HTT: variants seen among roughly 807,000 people sequenced by gnomAD.
HTT encodes the protein huntingtin.
A neutral mutation model predicts 362.3 loss-of-function variants in HTT; 104 were observed. The ratio of observed to expected loss-of-function variants is 0.29; its 90% CI spans 0.24 to 0.34. The LOEUF (loss-of-function observed/expected upper bound fraction) is 0.34, where lower values mean the gene tolerates loss of function less well. Ranked by LOEUF, HTT falls within the 10% of genes least tolerant of loss-of-function variation. HTT has a pLI of 1.00. For missense variants in HTT, 3,301 were observed against 3,928.6 expected (o/e 0.84, Z 4.27); for synonymous variants, 1,577 against 1,548.7 (o/e 1.02, Z -0.43).
chr4:3,151,368 C>CAG (rs753833247), intron 26 of HTT, among the ~76,000 whole-genome samples: 6 of 147,678 alleles, frequency 4.1e-5, no homozygotes, highest in South Asian at 2.1e-4. Flanking sequence ...GAGAGAGAGA[C>CAG]AGAGAGAGAG....
chr4:3,233,638 G>A (rs543792647), intron 61 of HTT, among the ~76,000 whole-genome samples: 20 of 152,334 alleles, frequency 1.3e-4, no homozygotes, highest in African/African-American at 4.8e-4. Context: ...CTGCTCTCGA[G>A]GCCATCGGCT....
chr4:3,223,447 G>T lies in HTT; in HGVS notation c.7512G>T (p.Gln2504His). Residue 2504 changes from glutamine (Q) to histidine (H), a missense_variant, in exon 55 of 67, where the codon CAG becomes CAT. This residue lies in a region of HTT where 753 missense variants were observed against 1,021.3 expected (regional missense o/e 0.74). Transcript: ENST00000355072. ...CCCAGATCAACGTCCTGGCCGTGCA[G>T]GCCATCACCTCACTGGTGCTCAGTG... ...ERTQINVLAVQAITSLVLSAM... is the reference protein window; with the variant it reads ...ERTQINVLAVHAITSLVLSAM... 6.2e-7 allele frequency: 1 copy of T among 1,612,012 alleles called. No homozygotes were observed. The highest frequency in any genetic ancestry group is 1.3e-5 in the African/African-American group (1 of 75,018).
At chr4:3,184,382 G>A (rs1012274880) in intron 37 of HTT, among the ~76,000 whole-genome samples, 3 of 152,078 alleles carry the variant, frequency 2.0e-5, no homozygotes, top group East Asian at 1.9e-4. Flanking sequence ...AGCCTTGAGA[G>A]GGTTTGCGCT....
chr4:3,147,512 G>T (rs1191889992), intron 25 of HTT, among the ~76,000 whole-genome samples: 1 of 152,194 alleles, frequency 6.6e-6, no homozygotes, highest in Non-Finnish European at 1.5e-5. Context: ...AAGAATTGGG[G>T]CCTGTGCTAT....
chr4:3,188,939 G>T lies in HTT; in HGVS notation c.5226-12G>T, dbSNP rs762787223. On this transcript the variant is annotated splice_polypyrimidine_tract_variant and intron_variant, in intron 39 of 66. Transcript: ENST00000355072. ...CACCTAATTCACTGTCATCTTTTTT[G>T]TTTCTTGGAAGGTTTCTATTACAAC... 3.1e-6 allele frequency: 5 copies of T among 1,609,058 alleles called. No homozygotes were observed. In the South Asian group the frequency reaches 3.3e-5, roughly 11 times the overall value.
In HTT at chr4:3,145,247, A is replaced by G. The variant is rs1716543527; in HGVS notation, c.3143+19A>G. 2 of 1,479,912 alleles carry G rather than the reference A, an allele frequency of 1.4e-6. No homozygotes were observed. Among genetic ancestry groups the G allele is most frequent in the South Asian group, 1.1e-5 (1 of 88,312 alleles). 91.7% of individuals were successfully genotyped at this position (1,479,912 alleles called of 1,614,324 possible). A position where few individuals can be genotyped will look rare whatever the true frequency, so the allele number is the denominator to read the frequency against. ...ACTGTGGGTATGTATTTTCCTCAGT[A>G]TATATTAATAGTTGTCTACAACAGT... On this transcript the variant is annotated intron_variant, in intron 24 of 66. Transcript: ENST00000355072.
intron 6 of HTT, among the ~76,000 whole-genome samples, chr4:3,113,646 A>T (rs1479832393): frequency 3.9e-5 from 6 of 152,100 alleles, no homozygotes; most frequent in African/African-American, 1.4e-4. Flanking sequence ...GTTTTTTAAG[A>T]TGTTAGTATC....
chr4:3,103,733 G>A, intron 3 of HTT, 91 bp from the exon 4 acceptor site: 1 of 766,052 alleles, frequency 1.3e-6, no homozygotes, highest in Non-Finnish European at 2.3e-6. Context: ...GTTTTGCTTT[G>A]CCCCAAAATT....
chr4:3,114,420 A>G (rs1205375377), intron 6 of HTT, among the ~76,000 whole-genome samples: 2 of 152,262 alleles, frequency 1.3e-5, no homozygotes, highest in East Asian at 1.9e-4. Flanking sequence ...GGTCTCGTGT[A>G]AATTCCCTGG....
In HTT at chr4:3,217,694, G is replaced by A. The variant is rs754428408; in HGVS notation, c.7055-71G>A. ...TTACAGCTTGAGCAGCTGGTTGTAGGTCATGCTTTCTACACTGGGCATATA... is the reference window on the plus strand; with the variant it reads ...TTACAGCTTGAGCAGCTGGTTGTAGATCATGCTTTCTACACTGGGCATATA... On this transcript the variant is annotated intron_variant, in intron 51 of 66. Transcript: ENST00000355072. 29 of 1,339,512 alleles carry A rather than the reference G, an allele frequency of 2.2e-5. No homozygotes were observed. The South Asian group carries it at 3.8e-4, about 18-fold the overall frequency. The allele number at this position is 1,339,512 out of a possible 1,614,324, so 83.0% of individuals were successfully genotyped here.
At chr4:3,225,788 C>G (rs1205233746) in intron 57 of HTT, 45 bp downstream of exon 57, 1 of 1,492,390 alleles carries the variant, frequency 6.7e-7, no homozygotes, top group Non-Finnish European at 9.2e-7. Flanking sequence ...CGTTTCTGTC[C>G]TCAGACTTTG....
chr4:3,115,370 G>A lies in HTT; in HGVS notation c.814G>A (p.Gly272Arg). ...CCCCACCATTCGGCGGACAGCGGCT[G>A]GATCAGCAGTGAGCATCTGCCAGCA... ...SSPTIRRTAAGSAVSICQHSR... is the reference protein window; with the variant it reads ...SSPTIRRTAARSAVSICQHSR... Residue 272 changes from glycine (G) to arginine (R), a missense_variant, in exon 7 of 67, where the codon GGA becomes AGA. Physicochemically the swap from Gly to Arg is moderately radical, Grantham distance 125. Coordinates refer to ENST00000355072, the MANE Select transcript of HTT (RefSeq NM_001388492.1). The A allele has an allele frequency of 6.2e-7, 1 of 1,614,048 alleles. No homozygotes were observed. Among genetic ancestry groups the A allele is most frequent in the East Asian group, 2.2e-5 (1 of 44,890 alleles).
At chr4:3,201,048 TG>T (rs1719508312) in intron 41 of HTT, among the ~76,000 whole-genome samples, 1 of 152,228 alleles carries the variant, frequency 6.6e-6, no homozygotes, top group Non-Finnish European at 1.5e-5. Flanking sequence ...AGATGATGAG[TG>T]TTTAAAAGAA....
rs554439268 is a variant in HTT, at chr4:3,206,693, C to A, written c.5898+18C>A. 3.7e-6 allele frequency: 6 copies of A among 1,602,770 alleles called. No individual in the cohort carries two copies. The African/African-American group carries it at 8.0e-5, about 21-fold the overall frequency. On this transcript the variant is annotated intron_variant, in intron 43 of 66. Transcript: ENST00000355072. The surrounding 1 kb of genome is among the most constrained non-coding windows in gnomAD (Gnocchi z 4.6). Reference sequence around the variant, plus strand: ...TTTCAACTGTACGTCTTCATCCTGCCGACTATTGCCAGTTGCAGTTTTCCC... The same window carrying A: ...TTTCAACTGTACGTCTTCATCCTGCAGACTATTGCCAGTTGCAGTTTTCCC...
rs970532287 is a variant in HTT, at chr4:3,224,211, G to A, written c.7765+80G>A. ...AGACTGGCATGCTCACCACACCAGT[G>A]ATGCGGGAAGACCTGAGTGTGGTCT... On this transcript the variant is annotated intron_variant, in intron 56 of 66. Coordinates refer to ENST00000355072, the MANE Select transcript of HTT (RefSeq NM_001388492.1). The A allele has an allele frequency of 5.6e-6, 8 of 1,427,862 alleles. No individual in the cohort carries two copies. In the African/African-American group the frequency reaches 8.4e-5, roughly 15 times the overall value. The allele number at this position is 1,427,862 out of a possible 1,614,324, so 88.4% of individuals were successfully genotyped here.
chr4:3,144,406 T>C (rs1362103574), intron 23 of HTT, among the ~76,000 whole-genome samples: 1 of 152,154 alleles, frequency 6.6e-6, no homozygotes, highest in East Asian at 1.9e-4. Context: ...CAGCCTCCGC[T>C]TCCTGGGTTC....
At position 3,206,994 on chromosome 4, in the gene HTT, G is replaced by C. The variant is rs569377661; in HGVS notation, c.6075+11G>C. On this transcript the variant is annotated intron_variant, in intron 44 of 66. Coordinates refer to ENST00000355072, the MANE Select transcript of HTT (RefSeq NM_001388492.1). This position sits in a 1 kb window ranked among gnomAD's most constrained non-coding sequence, Gnocchi z 4.6. Reference sequence around the variant, plus strand: ...GCTGCAAATTTACAGGTATTGGGAAGAGAAACCCTGATATTGATTTATATT... The same window carrying C: ...GCTGCAAATTTACAGGTATTGGGAACAGAAACCCTGATATTGATTTATATT... The C allele has an allele frequency of 1.3e-6, 2 of 1,597,316 alleles. No individual in the cohort carries two copies. The highest frequency in any genetic ancestry group is 1.3e-5 in the African/African-American group (1 of 74,184).
intron 45 of HTT, among the ~76,000 whole-genome samples, chr4:3,208,255 A>G (rs546813976): frequency 6.6e-5 from 10 of 152,322 alleles, no homozygotes; most frequent in Admixed American, 1.3e-4. Flanking sequence ...GAGATAAACT[A>G]TTATTACTTT....
chr4:3,162,899 T>C (rs920326717), intron 29 of HTT, among the ~76,000 whole-genome samples: 24 of 152,332 alleles, frequency 1.6e-4, no homozygotes, highest in South Asian at 4.1e-4. Flanking sequence ...CCTCTCTTCC[T>C]ATTTGAATAC....
Sources: allele counts gnomAD v4.1 joint callset (sites outside exome capture counted in the v4.1 genomes callset), GRCh38; gene constraint gnomAD v4.1.1; regional missense constraint gnomAD v4.1.1; non-coding constraint Gnocchi (gnomAD v3.1); transcripts MANE v1.5; gene names NCBI Gene and HGNC (gene_info 2026-07-23, HGNC 2026-07-21).